WDR70: variants seen among roughly 807,000 people sequenced by gnomAD.
The protein encoded by WDR70 is WD repeat domain 70.
WDR70 carries 53 observed loss-of-function variants against 88.6 expected under a neutral mutation model. The ratio of observed to expected loss-of-function variants is 0.60; its 90% CI spans 0.48 to 0.75. WDR70 has a LOEUF of 0.75. Ranked by LOEUF, WDR70 falls within the 30% of genes least tolerant of loss-of-function variation. WDR70 has a pLI of 0.00. For synonymous variants in WDR70, 280 were observed against 270.0 expected, an observed-to-expected ratio of 1.04 and a Z score of -0.36; for missense variants, 610 against 823.2, an observed-to-expected ratio of 0.74 and a Z score of 3.17.
chr5:37,528,775 C>A (rs566509746), intron 9 of WDR70, among the ~76,000 whole-genome samples: 2 of 152,132 alleles, frequency 1.3e-5, no homozygotes, highest in African/African-American at 4.8e-5. Context: ...TCTGTTAACT[C>A]TGCTGATTAT....
At chr5:37,386,406 CA>C (rs1748618259) in intron 3 of WDR70, among the ~76,000 whole-genome samples, 1 of 152,080 alleles carries the variant, frequency 6.6e-6, no homozygotes. Context: ...AGGCTCACTG[CA>C]ACCTCTGCCT....
At chr5:37,580,120 T>A (rs935040652) in intron 9 of WDR70, among the ~76,000 whole-genome samples, 6 of 152,348 alleles carry the variant, frequency 3.9e-5, no homozygotes, top group African/African-American at 9.6e-5. Context: ...CAATATATGT[T>A]GCTTTATAAT....
chr5:37,545,332 G>C (rs1741952949), intron 9 of WDR70, among the ~76,000 whole-genome samples: 1 of 152,074 alleles, frequency 6.6e-6, no homozygotes, highest in Non-Finnish European at 1.5e-5. Flanking sequence ...AATTGGCATA[G>C]TGTGTGATTT....
At chr5:37,520,182 G>A (rs770025485) in intron 9 of WDR70, among the ~76,000 whole-genome samples, 5 of 152,068 alleles carry the variant, frequency 3.3e-5, no homozygotes, top group African/African-American at 4.8e-5. Context: ...TTATTCTTAG[G>A]TTATTTTGTC....
chr5:37,430,836 A>AGATGC (rs1750280101), intron 5 of WDR70, among the ~76,000 whole-genome samples: 1 of 151,720 alleles, frequency 6.6e-6, no homozygotes, highest in African/African-American at 2.4e-5. Context: ...CTGGGATTAC[A>AGATGC]GATGCGAGCC....
intron 9 of WDR70, among the ~76,000 whole-genome samples, chr5:37,545,520 T>G (rs1741959860): frequency 6.7e-6 from 1 of 149,936 alleles, no homozygotes. Flanking sequence ...TTTATTTAAT[T>G]TTGTTTTTGT....
chr5:37,622,191 G>A (rs954870699), intron 10 of WDR70, among the ~76,000 whole-genome samples: 1 of 152,116 alleles, frequency 6.6e-6, no homozygotes, highest in Non-Finnish European at 1.5e-5. Context: ...ACCACAATGA[G>A]ATACCATCTC....
intron 5 of WDR70, among the ~76,000 whole-genome samples, chr5:37,403,577 G>A (rs766258398): frequency 4.6e-5 from 7 of 152,076 alleles, no homozygotes; most frequent in Non-Finnish European, 1.0e-4. Context: ...AATCACTGTG[G>A]CACTTTTGAC....
At chr5:37,521,677 T>TG (rs1741092987) in intron 9 of WDR70, among the ~76,000 whole-genome samples, 3 of 150,720 alleles carry the variant, frequency 2.0e-5, no homozygotes, top group South Asian at 2.1e-4. Flanking sequence ...TTTGTTCCTT[T>TG]TTGTGGCTGA....
chr5:37,722,034 A>C (rs1360767588), intron 14 of WDR70: 2 of 152,328 alleles, frequency 1.3e-5, no homozygotes, highest in South Asian at 4.1e-4. Context: ...TGCTCTGAAT[A>C]GAAGCAGACA....
chr5:37,443,052 T>C (rs558953689), intron 6 of WDR70, among the ~76,000 whole-genome samples, 187 bp from the exon 7 acceptor site: 5 of 152,326 alleles, frequency 3.3e-5, no homozygotes, highest in East Asian at 1.9e-4. Flanking sequence ...AGAATTAATA[T>C]AGTAACAAAG....
At chr5:37,747,489 T>G (rs1474507419) in intron 17 of WDR70, among the ~76,000 whole-genome samples, 1 of 152,192 alleles carries the variant, frequency 6.6e-6, no homozygotes, top group Non-Finnish European at 1.5e-5. Context: ...TAGGTATTGA[T>G]GGAACATATC....
intron 9 of WDR70, among the ~76,000 whole-genome samples, chr5:37,522,678 G>A (rs1350843906): frequency 2.6e-5 from 4 of 152,232 alleles, no homozygotes; most frequent in East Asian, 3.9e-4. Flanking sequence ...AAAGCAGGGC[G>A]AGGCATCACC....
chr5:37,518,116 T>C (rs1229788072), intron 9 of WDR70, among the ~76,000 whole-genome samples: 1 of 151,776 alleles, frequency 6.6e-6, no homozygotes, highest in African/African-American at 2.4e-5. Flanking sequence ...GGTTTTATCA[T>C]GTTGCATAGG....
chr5:37,553,935 A>AC (rs1742219834), intron 9 of WDR70, among the ~76,000 whole-genome samples: 1 of 152,110 alleles, frequency 6.6e-6, no homozygotes, highest in African/African-American at 2.4e-5. Flanking sequence ...ACATGGTAGC[A>AC]CTCCATAAAA....
chr5:37,675,789 A>C lies in WDR70; in HGVS notation c.1093-21866A>C, dbSNP rs1336040330. On this transcript the variant is annotated intron_variant, in intron 10 of 17. Coordinates refer to ENST00000265107, the MANE Select transcript of WDR70 (RefSeq NM_018034.4). ...TGTGAAGAAAGTCATTGGTAGCTTG[A>C]TGGGGATGGCATTGAATCTATAAAT... Among the ~76,000 whole-genome samples the C allele has an allele frequency of 9.9e-5, 15 of 152,198 alleles. No homozygotes were observed. In the East Asian group the frequency reaches 2.9e-3, roughly 29 times the overall value.
At chr5:37,556,362 T>G (rs952765444) in intron 9 of WDR70, among the ~76,000 whole-genome samples, 8 of 152,164 alleles carry the variant, frequency 5.3e-5, no homozygotes, top group African/African-American at 1.9e-4. Flanking sequence ...TTAACTTACC[T>G]GTTTTAGACA....
chr5:37,448,610 G>T (rs1288959589), intron 7 of WDR70, among the ~76,000 whole-genome samples: 3 of 152,166 alleles, frequency 2.0e-5, no homozygotes, highest in Non-Finnish European at 4.4e-5. Flanking sequence ...TACAAAGATA[G>T]TACAGAGTTT....
chr5:37,691,902 A>T (rs535764076), intron 10 of WDR70, among the ~76,000 whole-genome samples: 3 of 152,224 alleles, frequency 2.0e-5, no homozygotes, highest in Non-Finnish European at 2.9e-5. Context: ...CTTCAAAAAC[A>T]CAATGAATCC....
Sources: gnomAD v4.1 joint callset for allele counts (sites outside exome capture counted in the v4.1 genomes callset) on GRCh38, gnomAD v4.1.1 for gene constraint, MANE v1.5 for transcripts, NCBI Gene and HGNC (gene_info 2026-07-23, HGNC 2026-07-21) for gene names.